The following SLC14A2 variants were observed in gnomAD, a reference collection of about 807,000 sequenced individuals.
The protein encoded by SLC14A2 is solute carrier family 14 member 2, also known as urea transporter 2.
In SLC14A2, 91 loss-of-function variants were observed where a neutral mutation model predicts 104.6. The ratio of observed to expected loss-of-function variants is 0.87; its 90% CI spans 0.73 to 1.04. SLC14A2 has a LOEUF of 1.04. Ranked by LOEUF, SLC14A2 falls within the 50% of genes least tolerant of loss-of-function variation. The pLI is 0.00. For missense variants in SLC14A2, 1,189 were observed against 1,156.0 expected, an observed-to-expected ratio of 1.03 and a Z score of -0.41; for synonymous variants, 476 against 466.4, an observed-to-expected ratio of 1.02 and a Z score of -0.27.
At chr18:45,231,731 T>C (rs1179443643) in intron 1 of SLC14A2, among the ~76,000 whole-genome samples, 1 of 152,224 alleles carries the variant, frequency 6.6e-6, no homozygotes, top group Non-Finnish European at 1.5e-5. Flanking sequence ...AGGGGCATGT[T>C]TGGAGAATGA....
At chr18:45,342,380 G>A (rs2085404901) in intron 1 of SLC14A2, among the ~76,000 whole-genome samples, 1 of 152,128 alleles carries the variant, frequency 6.6e-6, no homozygotes, top group Non-Finnish European at 1.5e-5. Flanking sequence ...GAACAGCAGG[G>A]GGATTCCTTT....
rs369655359 is a variant in SLC14A2 at position 45,268,836 on chromosome 18, A to G, written c.-125+55645A>G. ...AGCATGAACTATGAGAGTTATTGAGAAAGTCTATTGTCCAGCAGGTTAGAG... is the reference window on the plus strand; with the variant it reads ...AGCATGAACTATGAGAGTTATTGAGGAAGTCTATTGTCCAGCAGGTTAGAG... On this transcript the variant is annotated intron_variant, in intron 1 of 20. Transcript: ENST00000586448. 8.7e-4 allele frequency among the ~76,000 whole-genome samples: 133 copies of G among 152,210 alleles called. 5 individuals carry two copies. The South Asian group carries it at 0.027, about 31-fold the overall frequency.
chr18:45,277,738 C>T lies in SLC14A2; in HGVS notation c.-125+64547C>T, dbSNP rs538561833. 1.7e-3 allele frequency among the ~76,000 whole-genome samples: 260 copies of T among 152,256 alleles called. 1 individual carries two copies. The highest frequency in any genetic ancestry group is 0.017 in the Middle Eastern group (5 of 294). On this transcript the variant is annotated intron_variant, in intron 1 of 20. Coordinates refer to the SLC14A2 transcript ENST00000586448. ...TAGTTTGTCTAAGCCTCAGTTTCTA[C>T]CTTATAAAGTTGTTTTGAAGATAAA...
intron 1 of SLC14A2, among the ~76,000 whole-genome samples, chr18:45,479,905 T>C (rs1452419705): frequency 6.6e-6 from 1 of 152,124 alleles, no homozygotes; most frequent in Non-Finnish European, 1.5e-5. Flanking sequence ...AAATGGAACA[T>C]TGCAAGACGT....
chr18:45,176,915 G>A, the SLC14A2 span, among the ~76,000 whole-genome samples: 49 of 152,142 alleles, frequency 3.2e-4, no homozygotes, highest in Non-Finnish European at 1.6e-4. Flanking sequence ...TTTATTTTGA[G>A]CTCCAGATCA....
intron 1 of SLC14A2, among the ~76,000 whole-genome samples, chr18:45,259,189 G>A (rs889383389): frequency 6.6e-6 from 1 of 152,222 alleles, no homozygotes; most frequent in African/African-American, 2.4e-5. Flanking sequence ...CCTGCTCAGA[G>A]GGTGGAGAAA....
chr18:45,343,309 C>T (rs2085415690), intron 1 of SLC14A2, among the ~76,000 whole-genome samples: 1 of 152,084 alleles, frequency 6.6e-6, no homozygotes, highest in South Asian at 2.1e-4. Context: ...TTTATTTGGG[C>T]TGCCTTGTGC....
chr18:45,311,824 G>A (rs1161819470), intron 1 of SLC14A2, among the ~76,000 whole-genome samples: 1 of 152,226 alleles, frequency 6.6e-6, no homozygotes, highest in Non-Finnish European at 1.5e-5. Context: ...ATTCTTGACA[G>A]GGACTAAGGA....
intron 1 of SLC14A2, among the ~76,000 whole-genome samples, chr18:45,240,263 A>AT (rs1376423353): frequency 1.3e-5 from 2 of 149,816 alleles, no homozygotes; most frequent in Non-Finnish European, 3.0e-5. Context: ...CACCCGGCTA[A>AT]TTTTTTCTAT....
intron 1 of SLC14A2, among the ~76,000 whole-genome samples, chr18:45,252,123 G>T (rs1286252939): frequency 6.6e-6 from 1 of 152,150 alleles, no homozygotes; most frequent in East Asian, 1.9e-4. Context: ...CCTACCAAGG[G>T]TGTGCTGAGT....
intron 10 of SLC14A2, among the ~76,000 whole-genome samples, chr18:45,660,507 A>G (rs947176329): frequency 2.6e-5 from 4 of 152,196 alleles, no homozygotes; most frequent in Admixed American, 6.5e-5. Context: ...TCATCTCCAT[A>G]ACAATATCAG....
At chr18:45,197,307 G>A in the SLC14A2 span, among the ~76,000 whole-genome samples, 1 of 152,088 alleles carries the variant, frequency 6.6e-6, no homozygotes, top group Non-Finnish European at 1.5e-5. Flanking sequence ...CATTAACTTG[G>A]CTCTATAGAG....
intron 8 of SLC14A2, 52 bp downstream of exon 8, chr18:45,641,395 C>T (rs767762790): frequency 1.9e-6 from 3 of 1,605,530 alleles, no homozygotes; most frequent in Admixed American, 1.7e-5. Flanking sequence ...TTCCTTCCCC[C>T]CTTGTTTATG....
At chr18:45,624,892 A>G (rs2045235578) in intron 2 of SLC14A2, 78 bp downstream of exon 2, 2 of 1,437,140 alleles carry the variant, frequency 1.4e-6, no homozygotes, top group Non-Finnish European at 1.9e-6. Context: ...CCGCTTTCCC[A>G]CCTTCCCAGT....
intron 1 of SLC14A2, among the ~76,000 whole-genome samples, chr18:45,251,876 G>T (rs1197943223): frequency 6.6e-6 from 1 of 152,150 alleles, no homozygotes. Context: ...GTAGCAAATA[G>T]AGTATCTATG....
At chr18:45,274,192 T>G (rs2084678883) in intron 1 of SLC14A2, among the ~76,000 whole-genome samples, 2 of 152,134 alleles carry the variant, frequency 1.3e-5, no homozygotes, top group Admixed American at 6.6e-5. Flanking sequence ...AGTACATGAA[T>G]CAGCTGTGAT....
chr18:45,427,315 G>A (rs2086448378), intron 1 of SLC14A2, among the ~76,000 whole-genome samples: 1 of 151,438 alleles, frequency 6.6e-6, no homozygotes, highest in Non-Finnish European at 1.5e-5. Flanking sequence ...CTCTCACCCT[G>A]GCTCTGTGCC....
chr18:45,449,050 G>A (rs959722966), intron 1 of SLC14A2, among the ~76,000 whole-genome samples: 2 of 152,148 alleles, frequency 1.3e-5, no homozygotes, highest in Non-Finnish European at 2.9e-5. Context: ...ATCCCAAAGG[G>A]CATTCAGGTC....
intron 1 of SLC14A2, among the ~76,000 whole-genome samples, chr18:45,460,767 T>C (rs757480904): frequency 5.9e-5 from 9 of 152,114 alleles, no homozygotes; most frequent in Non-Finnish European, 1.2e-4. Context: ...TCCATTTTGC[T>C]TTGTGGCAGA....
Sources: allele counts gnomAD v4.1 joint callset (sites outside exome capture counted in the v4.1 genomes callset), GRCh38; gene constraint gnomAD v4.1.1; transcripts MANE v1.5; gene names NCBI Gene and HGNC (gene_info 2026-07-23, HGNC 2026-07-21).